Variants in STX16 observed in about 807,000 individuals in gnomAD.
The protein encoded by STX16 is syntaxin-16.
Under a neutral mutation model 42.7 loss-of-function variants are expected in STX16, and 28 were observed. The ratio of observed to expected loss-of-function variants is 0.66; its 90% CI spans 0.49 to 0.90. The LOEUF is 0.90. STX16 is among the 40% of genes least tolerant of loss of function. STX16 has a pLI of 0.00. For synonymous variants in STX16, 156 were observed against 155.2 expected, an observed-to-expected ratio of 1.00 and a Z score of -0.04; for missense variants, 361 against 420.9, an observed-to-expected ratio of 0.86 and a Z score of 1.24.
intron 2 of STX16, among the ~76,000 whole-genome samples, chr20:58,662,562 G>A (rs565478593): frequency 1.3e-5 from 2 of 152,314 alleles, no homozygotes; most frequent in African/African-American, 4.8e-5. Flanking sequence ...CCAGGCTAGA[G>A]TGCAGTGGCG....
chr20:58,671,442 G>A lies in STX16; in HGVS notation c.792+145G>A, dbSNP rs1398343817. 492 of 390,988 alleles carry A rather than the reference G, an allele frequency of 1.3e-3. 24 individuals are homozygous for A. The highest frequency in any genetic ancestry group is 2.9e-3 in the African/African-American group (123 of 43,126). The allele number at this position is 390,988 out of a possible 1,614,324, so 24.2% of individuals were successfully genotyped here. A position where few individuals can be genotyped will look rare whatever the true frequency, so the allele number is the denominator to read the frequency against. Reference sequence around the variant, plus strand: ...CTGTCCTTTATGTGTGTGTGGGTGTGTGTGTGTGTGTGTGTGTGTGTGTGT... The same window carrying A: ...CTGTCCTTTATGTGTGTGTGGGTGTATGTGTGTGTGTGTGTGTGTGTGTGT... On this transcript the variant is annotated intron_variant, in intron 7 of 8. Coordinates refer to ENST00000371141, the MANE Select transcript of STX16 (RefSeq NM_001001433.3).
At chr20:58,673,104 A>G (rs571969246) in intron 7 of STX16, among the ~76,000 whole-genome samples, 2 of 152,108 alleles carry the variant, frequency 1.3e-5, no homozygotes, top group South Asian at 2.1e-4. Flanking sequence ...CTTGAGTCCA[A>G]ATTTTTAATT....
chr20:58,656,012 C>T (rs2083577651), intron 1 of STX16, among the ~76,000 whole-genome samples: 1 of 152,130 alleles, frequency 6.6e-6, no homozygotes, highest in Non-Finnish European at 1.5e-5. Context: ...ACGTTCATGC[C>T]TCAGGGCAGC....
chr20:58,654,207 A>G (rs542647890), intron 1 of STX16, among the ~76,000 whole-genome samples: 4 of 152,326 alleles, frequency 2.6e-5, no homozygotes, highest in African/African-American at 9.6e-5. Flanking sequence ...GACCATTTAA[A>G]ATCTTTCTCA....
intron 1 of STX16, 102 bp downstream of exon 1, chr20:58,652,240 G>T: frequency 1.3e-6 from 2 of 1,482,976 alleles, no homozygotes; most frequent in East Asian, 2.4e-5. Flanking sequence ...GAGAAGATAA[G>T]AATAATAAGA....
In STX16 at chr20:58,674,176, C is replaced by A. The variant is rs191610266; in HGVS notation, c.873+465C>A. Among the ~76,000 whole-genome samples the A allele has an allele frequency of 2.4e-3, 359 of 152,236 alleles. 1 individual carries two copies. Among genetic ancestry groups the A allele is most frequent in the South Asian group, 0.016 (76 of 4,824 alleles). Reference sequence around the variant, plus strand: ...GCAGAAGATAAAAATCTAATCTTCTCTTTAATTACCACAGCATATCTGTAT... The same window carrying A: ...GCAGAAGATAAAAATCTAATCTTCTATTTAATTACCACAGCATATCTGTAT... On this transcript the variant is annotated intron_variant, in intron 8 of 8. Transcript: ENST00000371141.
Position 58,673,632 on chromosome 20 carries a change from G to A in STX16, c.794G>A (p.Gly265Asp), listed in dbSNP as rs567521795. The change falls in exon 8 of 9, where the codon GGT becomes GAT. Residue 265 changes from glycine to aspartate, a missense_variant and splice_region_variant. Transcript: ENST00000371141. ...CTGTAACTGTCATTTATTACCTAGG[G>A]TACAGTCCTTGACAGAATTGACTAT... ...RDLGAMIVEQGTVLDRIDYNV... is the reference protein window; with the variant it reads ...RDLGAMIVEQDTVLDRIDYNV... The A allele has an allele frequency of 1.2e-6, 2 of 1,608,716 alleles. No individual in the cohort carries two copies. Among genetic ancestry groups the A allele is most frequent in the Non-Finnish European group, 1.7e-6 (2 of 1,175,450 alleles).
chr20:58,671,777 TAATATGA>T (rs2083984042), intron 7 of STX16, among the ~76,000 whole-genome samples: 1 of 152,120 alleles, frequency 6.6e-6, no homozygotes. Context: ...AATGCAATAA[TAATATGA>T]TATATGATAA....
chr20:58,667,526 A>T lies in STX16; in HGVS notation c.181A>T (p.Ser61Cys). The T allele has an allele frequency of 1.2e-6, 2 of 1,614,172 alleles. No individual in the cohort carries two copies. The highest frequency in any genetic ancestry group is 1.7e-6 in the Non-Finnish European group (2 of 1,180,038). Residue 61 changes from serine to cysteine, a missense_variant, in exon 3 of 9, where the codon AGC becomes TGC. Transcript: ENST00000371141. Reference sequence around the variant, plus strand: ...CCGTATGGCACTGGTGTCAGGCATCAGCTTAGATCCAGAAGCAGCGATTGG... The same window carrying T: ...CCGTATGGCACTGGTGTCAGGCATCTGCTTAGATCCAGAAGCAGCGATTGG... ...DDRMALVSGI[S>C]LDPEAAIGVT...
At position 58,659,741 on chromosome 20, in the gene STX16, T is replaced by G. The variant is rs1047205010; in HGVS notation, c.144+107T>G. 6 of 1,180,546 alleles carry G rather than the reference T, an allele frequency of 5.1e-6. No homozygotes were observed. In the East Asian group the frequency reaches 1.4e-4, roughly 28 times the overall value. 73.1% of individuals were successfully genotyped at this position (1,180,546 alleles called of 1,614,324 possible). A position where few individuals can be genotyped will look rare whatever the true frequency, so the allele number is the denominator to read the frequency against. ...ATAAAATGCTAACAGCTTATACATA[T>G]TTAGCATTTGTTTTGATTACTTTAT... On this transcript the variant is annotated intron_variant, in intron 2 of 8. Coordinates refer to ENST00000371141, the MANE Select transcript of STX16 (RefSeq NM_001001433.3).
chr20:58,660,621 A>G (rs2083675910), intron 2 of STX16, among the ~76,000 whole-genome samples: 1 of 151,564 alleles, frequency 6.6e-6, no homozygotes, highest in South Asian at 2.1e-4. Flanking sequence ...AGTGAGGCCC[A>G]TCCATGAGAG....
At chr20:58,672,782 A>G (rs992333537) in intron 7 of STX16, among the ~76,000 whole-genome samples, 2 of 152,162 alleles carry the variant, frequency 1.3e-5, no homozygotes, top group Non-Finnish European at 2.9e-5. Flanking sequence ...TTGGCAGGTT[A>G]TTGTGTAATG....
chr20:58,674,671 A>T (rs183303091), intron 8 of STX16, among the ~76,000 whole-genome samples: 1 of 152,194 alleles, frequency 6.6e-6, no homozygotes, highest in Non-Finnish European at 1.5e-5. Flanking sequence ...GTAGGTGGAT[A>T]TGAGACTCCA....
At chr20:58,661,433 G>A (rs2083696404) in intron 2 of STX16, among the ~76,000 whole-genome samples, 1 of 152,232 alleles carries the variant, frequency 6.6e-6, no homozygotes, top group East Asian at 1.9e-4. Flanking sequence ...TGTGATCAGA[G>A]GCCCTGCGTA....
chr20:58,655,105 A>G (rs575258092), intron 1 of STX16, among the ~76,000 whole-genome samples: 1 of 152,326 alleles, frequency 6.6e-6, no homozygotes, highest in South Asian at 2.1e-4. Context: ...AATAACCTGG[A>G]ATTTTAAGTT....
chr20:58,679,486 G>A lies in STX16; in HGVS notation c.*3195G>A, dbSNP rs1014937094. 1 of 152,604 alleles carries A rather than the reference G, an allele frequency of 6.6e-6. No individual in the cohort carries two copies. Among genetic ancestry groups the A allele is most frequent in the South Asian group, 2.1e-4 (1 of 4,818 alleles). The allele number at this position is 152,604 out of a possible 1,614,324, so 9.5% of individuals were successfully genotyped here. ...ACTTTTTGTACAATAAAGCAATCAC[G>A]CAGATTAAAGAACATCCTGCAATCC... On this transcript the variant is annotated 3_prime_UTR_variant, in exon 9 of 9. Transcript: ENST00000371141.
In STX16 at chr20:58,667,518, C is replaced by G; in HGVS notation, c.173C>G (p.Ser58Ter). Residue 58 changes from serine (S) to a stop codon, truncating the protein, a stop_gained, in exon 3 of 9, where the codon TCA (serine) becomes TGA (stop). Transcript: ENST00000371141. LOFTEE classifies it high-confidence loss of function. The stretch of plus-strand genomic sequence containing the variant: ...GCTGATGACCGTATGGCACTGGTGT[C>G]AGGCATCAGCTTAGATCCAGAAGCA... ...ELADDRMALV[S>*]GISLDPEAAI... 6.2e-7 allele frequency: 1 copy of G among 1,614,108 alleles called. No homozygotes were observed. Among genetic ancestry groups the G allele is most frequent in the Non-Finnish European group, 8.5e-7 (1 of 1,180,028 alleles).
intron 8 of STX16, 139 bp downstream of exon 8, chr20:58,673,850 T>G (rs1386826762): frequency 1.7e-6 from 1 of 583,772 alleles, no homozygotes; most frequent in African/African-American, 1.9e-5. Context: ...TAAAAAGGGA[T>G]TCATCATTTC....
At chr20:58,661,196 A>T (rs2083690806) in intron 2 of STX16, among the ~76,000 whole-genome samples, 1 of 152,232 alleles carries the variant, frequency 6.6e-6, no homozygotes, top group Non-Finnish European at 1.5e-5. Context: ...GTAACAAATT[A>T]TGGAACCACT....
Sources: allele counts gnomAD v4.1 joint callset (sites outside exome capture counted in the v4.1 genomes callset), GRCh38; gene constraint gnomAD v4.1.1; transcripts MANE v1.5; gene names NCBI Gene and HGNC (gene_info 2026-07-23, HGNC 2026-07-21).